The following ASF1A variants were observed in gnomAD, a reference collection of about 807,000 sequenced individuals.
The protein encoded by ASF1A is histone chaperone ASF1A.
ASF1A carries 5 observed loss-of-function variants against 22.0 expected under a neutral mutation model. The ratio of observed to expected loss-of-function variants is 0.23; its 90% confidence interval spans 0.12 to 0.48. The LOEUF (loss-of-function observed/expected upper bound fraction) is 0.48. ASF1A is among the 20% of genes least tolerant of loss of function. The pLI is 0.99. For synonymous variants in ASF1A, 97 were observed against 86.7 expected (o/e 1.12, Z -0.66); for missense variants, 137 against 240.6 (o/e 0.57, Z 2.85).
At chr6:118,899,404 C>G (rs567299017) in intron 1 of ASF1A, among the ~76,000 whole-genome samples, 3 of 152,236 alleles carry the variant, frequency 2.0e-5, no homozygotes, top group African/African-American at 7.2e-5. Flanking sequence ...CAGCCCTAGC[C>G]TCCTTGCTTT....
intron 1 of ASF1A, among the ~76,000 whole-genome samples, chr6:118,900,328 A>G (rs1247886342): frequency 1.3e-5 from 2 of 152,196 alleles, no homozygotes; most frequent in Admixed American, 1.3e-4. Context: ...CTGCCCTTCC[A>G]AAGTGTGTTG....
At chr6:118,895,118 G>C (rs1583576857) in intron 1 of ASF1A, among the ~76,000 whole-genome samples, 1 of 152,258 alleles carries the variant, frequency 6.6e-6, no homozygotes, top group East Asian at 1.9e-4. Flanking sequence ...TCGGGGAGGA[G>C]AGCGAGGCTG....
At chr6:118,895,539 G>A (rs1779334412) in intron 1 of ASF1A, among the ~76,000 whole-genome samples, 1 of 151,286 alleles carries the variant, frequency 6.6e-6, no homozygotes, top group Non-Finnish European at 1.5e-5. Context: ...AAACACAAAC[G>A]TAGGCTAGGA....
intron 3 of ASF1A, 147 bp from the exon 4 acceptor site, chr6:118,907,255 T>A (rs1278746662): frequency 1.6e-6 from 1 of 608,714 alleles, no homozygotes; most frequent in Non-Finnish European, 2.9e-6. Flanking sequence ...TTAGTTATAT[T>A]TAAGGTACTT....
In ASF1A at chr6:118,894,399, T is replaced by C; in HGVS notation, c.-15T>C. 2.6e-6 allele frequency: 4 copies of C among 1,536,866 alleles called. No individual in the cohort carries two copies. Among genetic ancestry groups the C allele is most frequent in the Non-Finnish European group, 3.5e-6 (4 of 1,146,732 alleles). The stretch of plus-strand genomic sequence containing the variant: ...AACCAGCCCCAGTTCCCATTGTTTG[T>C]GTTTTTTTCAAAATATGGCAAAGGT... On this transcript the variant is annotated 5_prime_UTR_variant, in exon 1 of 4. Coordinates refer to ENST00000229595, the MANE Select transcript of ASF1A (RefSeq NM_014034.3).
At chr6:118,902,671 T>C (rs1053957670) in intron 2 of ASF1A, among the ~76,000 whole-genome samples, 2 of 152,132 alleles carry the variant, frequency 1.3e-5, no homozygotes, top group African/African-American at 4.8e-5. Flanking sequence ...AAAAAATGTA[T>C]TCAAAAGTAT....
chr6:118,902,960 C>T (rs572070654), intron 2 of ASF1A, among the ~76,000 whole-genome samples: 2 of 152,148 alleles, frequency 1.3e-5, no homozygotes, highest in East Asian at 3.8e-4. Flanking sequence ...CCTAGTATTG[C>T]CAGCTAGAGT....
At chr6:118,905,317 G>A (rs114842653) in intron 2 of ASF1A, among the ~76,000 whole-genome samples, 1,576 of 152,078 alleles carry the variant, frequency 0.01, 29 homozygotes, top group African/African-American at 0.036. Context: ...GACTGAAAAG[G>A]TTAAAATCAA....
chr6:118,897,411 G>A (rs1373902332), intron 1 of ASF1A, among the ~76,000 whole-genome samples: 2 of 151,996 alleles, frequency 1.3e-5, no homozygotes, highest in Admixed American at 1.3e-4. Flanking sequence ...GACTGTACAA[G>A]TTTTGATTGA....
Position 118,898,556 on chromosome 6 carries a change from C to T in ASF1A, c.110-2210C>T, listed in dbSNP as rs181681492. On this transcript the variant is annotated intron_variant, in intron 1 of 3. Transcript: ENST00000229595. ...TCTTGTGCCTCAGCCTCCCGAGTAGCTGGGACCACAGGCATGTGCCACCCC... is the reference window on the plus strand; with the variant it reads ...TCTTGTGCCTCAGCCTCCCGAGTAGTTGGGACCACAGGCATGTGCCACCCC... Among the ~76,000 whole-genome samples the T allele has an allele frequency of 3.6e-3, 547 of 151,966 alleles. 7 individuals are homozygous for T. The highest frequency in any genetic ancestry group is 2.5e-3 in the Non-Finnish European group (173 of 67,972).
rs1357630532 is a variant in ASF1A, at chr6:118,894,396, TTG to T, written c.-14_-13del. On this transcript the variant is annotated 5_prime_UTR_variant, in exon 1 of 4. Transcript: ENST00000229595. ...CGCAACCAGCCCCAGTTCCCATTGT[TTG>T]TGTTTTTTTCAAAATATGGCAAAGG... The T allele has an allele frequency of 4.6e-6, 7 of 1,536,456 alleles. No homozygotes were observed. Among genetic ancestry groups the T allele is most frequent in the African/African-American group, 4.1e-5 (3 of 72,942 alleles).
intron 1 of ASF1A, among the ~76,000 whole-genome samples, chr6:118,900,052 T>C (rs1340911236): frequency 6.6e-6 from 1 of 152,212 alleles, no homozygotes; most frequent in Non-Finnish European, 1.5e-5. Context: ...TATAACGCCT[T>C]GAATTGCACC....
chr6:118,897,943 TG>T (rs1171257236), intron 1 of ASF1A, among the ~76,000 whole-genome samples: 1 of 152,218 alleles, frequency 6.6e-6, no homozygotes, highest in Non-Finnish European at 1.5e-5. Context: ...AAGTGTTCCC[TG>T]AGTTGCAGCC....
chr6:118,894,163 G>A lies in ASF1A; in HGVS notation c.-251G>A. 1 of 1,265,620 alleles carries A rather than the reference G, an allele frequency of 7.9e-7. No homozygotes were observed. Among genetic ancestry groups the A allele is most frequent in the Non-Finnish European group, 1.0e-6 (1 of 1,000,794 alleles). 78.4% of individuals were successfully genotyped at this position (1,265,620 alleles called of 1,614,324 possible). On this transcript the variant is annotated 5_prime_UTR_variant, in exon 1 of 4. Transcript: ENST00000229595. ...GGAGGAGGAGGGTCAGAACTCGGGTGCAGCCAATCGAGGGCAACGCTGCTA... is the reference window on the plus strand; with the variant it reads ...GGAGGAGGAGGGTCAGAACTCGGGTACAGCCAATCGAGGGCAACGCTGCTA...
At chr6:118,894,783 C>A (rs1779238115) in intron 1 of ASF1A, among the ~76,000 whole-genome samples, 2 of 152,220 alleles carry the variant, frequency 1.3e-5, no homozygotes, top group Non-Finnish European at 2.9e-5. Flanking sequence ...TCAGCTTTGT[C>A]TGCGGGCGGG....
In ASF1A at chr6:118,905,741, A is replaced by G. The variant is rs756591658; in HGVS notation, c.315A>G (p.Glu105=). Residue 105 remains glutamate, a synonymous_variant, in exon 3 of 4, where the codon GAA becomes GAG. Coordinates refer to ENST00000229595, the MANE Select transcript of ASF1A (RefSeq NM_014034.3). ...TTACTTGTACCTATCGAGGACAAGA[A>G]TTTATTAGAGTTGGCTATTATGTAA... The part of the protein sequence containing the change: ...VLITCTYRGQ[E]FIRVGYYVNN... The G allele has an allele frequency of 6.2e-6, 10 of 1,613,616 alleles. No individual in the cohort carries two copies. In the East Asian group the frequency reaches 1.6e-4, roughly 25 times the overall value.
At position 118,894,237 on chromosome 6, in the gene ASF1A, A is replaced by G. The variant is rs963495611; in HGVS notation, c.-177A>G. 3.5e-6 allele frequency: 5 copies of G among 1,431,276 alleles called. No homozygotes were observed. The highest frequency in any genetic ancestry group is 5.7e-5 in the Admixed American group (2 of 35,362). 88.7% of individuals were successfully genotyped at this position (1,431,276 alleles called of 1,614,324 possible). On this transcript the variant is annotated 5_prime_UTR_variant, in exon 1 of 4. Coordinates refer to ENST00000229595, the MANE Select transcript of ASF1A (RefSeq NM_014034.3). ...AGTTTAGTGAAATAGGAAAGCTGCA[A>G]AACACTGTGGAGTGCTCCCGTGTAA...
rs1779206713 is a variant in ASF1A at position 118,894,518 on chromosome 6, T to C, written c.105T>C (p.Ser35=). The C allele has an allele frequency of 6.5e-7, 1 of 1,536,796 alleles. No individual in the cohort carries two copies. The highest frequency in any genetic ancestry group is 8.7e-7 in the Non-Finnish European group (1 of 1,146,526). ...EITFECIEDL[S]EDLEWKIIYV... is the part of the protein sequence containing the mutation. ...CCTTCGAGTGCATCGAGGACCTGTC[T>C]GAAGGTGAGTGCGGCGCCCGTGCGC... Residue 35 remains serine (S), a synonymous_variant, in exon 1 of 4, where the codon TCT becomes TCC. Transcript: ENST00000229595.
In ASF1A at chr6:118,900,855, G is replaced by A. The variant is rs755432972; in HGVS notation, c.199G>A (p.Ala67Thr). Residue 67 changes from alanine to threonine, a missense_variant, in exon 2 of 4, where the codon GCA becomes ACA. By Grantham distance (58) the Ala-to-Thr change is moderately conservative. Coordinates refer to ENST00000229595, the MANE Select transcript of ASF1A (RefSeq NM_014034.3). ...LDSVLVGPVP[A>T]GRHMFVFQAD... ...CTCTGTTTTAGTGGGTCCTGTTCCC[G>A]CAGGAAGGCATATGTTTGTATTTCA... The A allele has an allele frequency of 1.9e-6, 3 of 1,612,556 alleles. No homozygotes were observed. Among genetic ancestry groups the A allele is most frequent in the South Asian group, 1.1e-5 (1 of 91,046 alleles).
Sources: gnomAD v4.1 joint callset for allele counts (sites outside exome capture counted in the v4.1 genomes callset) on GRCh38, gnomAD v4.1.1 for gene constraint, MANE v1.5 for transcripts, NCBI Gene and HGNC (gene_info 2026-07-23, HGNC 2026-07-21) for gene names.